NRG3: variants seen among roughly 807,000 people sequenced by gnomAD.
NRG3 encodes the protein pro-neuregulin-3, membrane-bound isoform.
NRG3 carries 31 observed loss-of-function variants against 66.9 expected under a neutral mutation model. The ratio of observed to expected loss-of-function variants is 0.46; its 90% confidence interval spans 0.35 to 0.63. The LOEUF is 0.63. Ranked by LOEUF, NRG3 falls within the 20% of genes least tolerant of loss-of-function variation. NRG3 has a pLI of 0.00. For synonymous variants in NRG3, 393 were observed against 359.4 expected, an observed-to-expected ratio of 1.09 and a Z score of -1.06; for missense variants, 910 against 878.9, an observed-to-expected ratio of 1.04 and a Z score of -0.45.
intron 1 of NRG3, among the ~76,000 whole-genome samples, chr10:82,102,428 T>TTTG (rs1270209583): frequency 1.3e-5 from 2 of 151,396 alleles, no homozygotes; most frequent in Non-Finnish European, 3.0e-5. Flanking sequence ...CATTTTGTTA[T>TTTG]TTGTTGTTGT....
At chr10:82,925,008 G>A (rs1449143696) in intron 4 of NRG3, among the ~76,000 whole-genome samples, 3 of 152,178 alleles carry the variant, frequency 2.0e-5, no homozygotes, top group Non-Finnish European at 2.9e-5. Context: ...CAGACACAAT[G>A]CTGAAAACTT....
At chr10:82,579,179 A>G (rs536276750) in intron 2 of NRG3, among the ~76,000 whole-genome samples, 12 of 152,000 alleles carry the variant, frequency 7.9e-5, no homozygotes, top group African/African-American at 2.9e-4. Flanking sequence ...AAAACAGCCA[A>G]TGCCAATGGA....
At chr10:82,467,580 A>G (rs1328357859) in intron 2 of NRG3, among the ~76,000 whole-genome samples, 1 of 152,174 alleles carries the variant, frequency 6.6e-6, no homozygotes, top group East Asian at 1.9e-4. Context: ...CAGAGAGAGA[A>G]GACTGTGAAT....
At chr10:81,983,637 G>A (rs960352185) in intron 1 of NRG3, among the ~76,000 whole-genome samples, 13 of 152,112 alleles carry the variant, frequency 8.5e-5, no homozygotes, top group South Asian at 6.2e-4. Context: ...TAATGTAGCC[G>A]TGAATTTACG....
intron 2 of NRG3, among the ~76,000 whole-genome samples, chr10:82,628,904 C>A (rs2049614332): frequency 6.6e-6 from 1 of 152,116 alleles, no homozygotes. Flanking sequence ...ATAAAATGGT[C>A]ACAGAGTGTA....
At chr10:81,954,957 T>G (rs1849684436) in intron 1 of NRG3, among the ~76,000 whole-genome samples, 1 of 151,972 alleles carries the variant, frequency 6.6e-6, no homozygotes, top group Admixed American at 6.6e-5. Flanking sequence ...AGGATTCAGA[T>G]TACTGAACTG....
intron 2 of NRG3, among the ~76,000 whole-genome samples, chr10:82,561,545 T>G (rs915832562): frequency 6.6e-6 from 1 of 152,104 alleles, no homozygotes; most frequent in African/African-American, 2.4e-5. Flanking sequence ...CCCAGCTACT[T>G]GGGAGGCTGA....
At position 82,787,200 on chromosome 10, in the gene NRG3, G is replaced by A. The variant is rs75132759; in HGVS notation, c.1027+48550G>A. Among the ~76,000 whole-genome samples, 1,403 of 152,236 alleles carry A rather than the reference G, an allele frequency of 9.2e-3. 19 individuals are homozygous for A. The highest frequency in any genetic ancestry group is 0.029 in the African/African-American group (1,201 of 41,534). On this transcript the variant is annotated intron_variant, in intron 3 of 8. Transcript: ENST00000372141. ...TCTCTTACACTCAAAACTAGGTGAT[G>A]CCCTACTGATTTTACAGCCTCCTTT...
At chr10:82,721,638 G>A (rs547008711) in intron 2 of NRG3, among the ~76,000 whole-genome samples, 3 of 149,436 alleles carry the variant, frequency 2.0e-5, no homozygotes, top group East Asian at 2.0e-4. Context: ...GGTCAGGCTC[G>A]TCTGGAACTC....
chr10:82,416,367 A>T (rs565465956), intron 2 of NRG3, among the ~76,000 whole-genome samples: 9 of 152,304 alleles, frequency 5.9e-5, no homozygotes, highest in African/African-American at 2.2e-4. Context: ...ATCCCCTTAC[A>T]TAGTTTGAAC....
chr10:82,317,795 G>C (rs2081369079), intron 1 of NRG3, among the ~76,000 whole-genome samples: 1 of 152,144 alleles, frequency 6.6e-6, no homozygotes, highest in Non-Finnish European at 1.5e-5. Flanking sequence ...CTGGGAGATG[G>C]GTCTGTGCCT....
At chr10:82,713,734 A>G (rs2056810018) in intron 2 of NRG3, among the ~76,000 whole-genome samples, 1 of 152,236 alleles carries the variant, frequency 6.6e-6, no homozygotes, top group Admixed American at 6.5e-5. Flanking sequence ...TGTGAAAAAC[A>G]TAAATTGTAT....
intron 1 of NRG3, among the ~76,000 whole-genome samples, chr10:81,992,415 G>A (rs1182886207): frequency 6.6e-6 from 1 of 152,100 alleles, no homozygotes; most frequent in Admixed American, 6.6e-5. Flanking sequence ...CACTCCTGGG[G>A]AAGTGGAAGA....
chr10:81,999,741 C>CTAT (rs2061088984), intron 1 of NRG3, among the ~76,000 whole-genome samples: 5 of 152,118 alleles, frequency 3.3e-5, no homozygotes, highest in Non-Finnish European at 5.9e-5. Flanking sequence ...CTTTAAAGTA[C>CTAT]TGGCAATAGT....
In NRG3 at chr10:82,050,812, C is replaced by T. The variant is rs113133850; in HGVS notation, c.823+174649C>T. 6.6e-3 allele frequency among the ~76,000 whole-genome samples: 996 copies of T among 152,060 alleles called. 6 individuals carry two copies. Among genetic ancestry groups the T allele is most frequent in the Admixed American group, 0.011 (163 of 15,246 alleles). On this transcript the variant is annotated intron_variant, in intron 1 of 8. Transcript: ENST00000372141. ...CAGACTCCTCCTACTCTCTGTCTCT[C>T]CAGCCATGCCTCCACTTGCAGAATA...
In NRG3 at chr10:82,367,721, G is replaced by A. The variant is rs185182936; in HGVS notation, c.953+8853G>A. Among the ~76,000 whole-genome samples the A allele has an allele frequency of 1.6e-4, 24 of 152,186 alleles. No homozygotes were observed. The East Asian group carries it at 3.3e-3, about 21-fold the overall frequency. ...AAATTATACATATTCTTGACCGAACGTGGTGGCTCACGCTTGTAATCCCAG... is the reference window on the plus strand; with the variant it reads ...AAATTATACATATTCTTGACCGAACATGGTGGCTCACGCTTGTAATCCCAG... On this transcript the variant is annotated intron_variant, in intron 2 of 8. Coordinates refer to ENST00000372141, the MANE Select transcript of NRG3 (RefSeq NM_001010848.4).
At chr10:82,010,594 A>C (rs1160565087) in intron 1 of NRG3, among the ~76,000 whole-genome samples, 1 of 152,194 alleles carries the variant, frequency 6.6e-6, no homozygotes, top group Non-Finnish European at 1.5e-5. Context: ...CTGCCTAAAA[A>C]GTTTTCCCAT....
At chr10:82,389,579 G>A (rs1017258051) in intron 2 of NRG3, among the ~76,000 whole-genome samples, 1 of 152,026 alleles carries the variant, frequency 6.6e-6, no homozygotes, top group African/African-American at 2.4e-5. Flanking sequence ...TACAAACATT[G>A]GTGTGTACTT....
chr10:82,277,516 A>T (rs968182836), intron 1 of NRG3, among the ~76,000 whole-genome samples: 2 of 152,120 alleles, frequency 1.3e-5, no homozygotes, highest in Non-Finnish European at 2.9e-5. Context: ...AATAATAATC[A>T]TATCTTTCTC....
Sources: allele counts gnomAD v4.1 joint callset (sites outside exome capture counted in the v4.1 genomes callset), GRCh38; gene constraint gnomAD v4.1.1; transcripts MANE v1.5; gene names NCBI Gene and HGNC (gene_info 2026-07-23, HGNC 2026-07-21).